Variants in DOCK4 observed in about 807,000 individuals in gnomAD.
DOCK4 encodes the protein dedicator of cytokinesis protein 4.
Under a neutral mutation model 268.1 loss-of-function variants are expected in DOCK4, and 97 were observed. The observed-to-expected ratio is 0.36, with a 90% CI of 0.31 to 0.43. DOCK4 has a LOEUF of 0.43. Ranked by LOEUF, DOCK4 falls within the 20% of genes least tolerant of loss-of-function variation. DOCK4 has a pLI of 1.00. For synonymous variants in DOCK4, 954 were observed against 887.2 expected (o/e 1.08, Z -1.34); for missense variants, 2,145 against 2,455.7 (o/e 0.87, Z 2.67).
chr7:112,177,888 G>T (rs1818667639), intron 1 of DOCK4, among the ~76,000 whole-genome samples: 1 of 152,156 alleles, frequency 6.6e-6, no homozygotes, highest in Non-Finnish European at 1.5e-5. Context: ...ATGCTCTATG[G>T]ACACCATGGG....
intron 5 of DOCK4, among the ~76,000 whole-genome samples, chr7:111,990,121 G>C (rs1799404731): frequency 6.6e-6 from 1 of 152,082 alleles, no homozygotes; most frequent in South Asian, 2.1e-4. Flanking sequence ...GTTGTTGTGA[G>C]GATTAATGAG....
At chr7:111,792,544 A>G (rs763206364) in intron 30 of DOCK4, among the ~76,000 whole-genome samples, 3 of 152,008 alleles carry the variant, frequency 2.0e-5, no homozygotes, top group Non-Finnish European at 4.4e-5. Flanking sequence ...CACCACGCCC[A>G]GCTAATTTTT....
intron 16 of DOCK4, among the ~76,000 whole-genome samples, chr7:111,891,984 T>C (rs150466457): frequency 1.3e-5 from 2 of 152,330 alleles, no homozygotes; most frequent in East Asian, 3.9e-4. Flanking sequence ...AAAGCAACTC[T>C]TTACAAGCTG....
chr7:111,945,607 A>G, intron 9 of DOCK4, 110 bp downstream of exon 9: 2 of 909,690 alleles, frequency 2.2e-6, no homozygotes, highest in Non-Finnish European at 1.7e-6. Context: ...TTATTTACAT[A>G]AAGTTTAAAA....
chr7:111,789,589 T>C (rs769764890), intron 31 of DOCK4, among the ~76,000 whole-genome samples: 9 of 152,226 alleles, frequency 5.9e-5, no homozygotes, highest in Admixed American at 3.3e-4. Flanking sequence ...CTTTCCTAAG[T>C]ACAATTTTTA....
chr7:111,730,816 AG>A (rs1795034210), intron 52 of DOCK4, among the ~76,000 whole-genome samples: 1 of 152,224 alleles, frequency 6.6e-6, no homozygotes, highest in African/African-American at 2.4e-5. Context: ...GCATATGGCC[AG>A]TAAAAATGTA....
intron 44 of DOCK4, among the ~76,000 whole-genome samples, chr7:111,745,720 A>G (rs1796219566): frequency 1.3e-5 from 2 of 149,070 alleles, no homozygotes; most frequent in African/African-American, 2.5e-5. Flanking sequence ...AGTTGGCATC[A>G]AGCCTACAGC....
intron 52 of DOCK4, among the ~76,000 whole-genome samples, chr7:111,730,453 T>G (rs1795004799): frequency 6.6e-6 from 1 of 152,180 alleles, no homozygotes; most frequent in South Asian, 2.1e-4. Context: ...TTTCTCTTTG[T>G]AAACAAAATA....
At chr7:111,926,145 A>G (rs968023402) in intron 12 of DOCK4, among the ~76,000 whole-genome samples, 1 of 145,102 alleles carries the variant, frequency 6.9e-6, no homozygotes, top group Non-Finnish European at 1.5e-5. Flanking sequence ...AGAAAGAAAG[A>G]AAAAGAGAAA....
chr7:111,866,694 G>A (rs1806003166), intron 22 of DOCK4, among the ~76,000 whole-genome samples: 1 of 152,092 alleles, frequency 6.6e-6, no homozygotes, highest in Admixed American at 6.6e-5. Context: ...AAAGTCTCCT[G>A]AATCCCTAAG....
At chr7:111,767,768 C>T (rs1797855542) in intron 37 of DOCK4, among the ~76,000 whole-genome samples, 2 of 152,160 alleles carry the variant, frequency 1.3e-5, no homozygotes, top group Non-Finnish European at 2.9e-5. Context: ...AGAATTACCA[C>T]TGACCCCTAA....
At chr7:112,189,746 G>GTTTTTT (rs57399750) in intron 1 of DOCK4, among the ~76,000 whole-genome samples, 1,087 of 95,248 alleles carry the variant, frequency 0.011, 6 homozygotes, top group East Asian at 0.017. Flanking sequence ...TCTGGGTTTT[G>GTTTTTT]TTTTTTTTTT....
chr7:111,946,738 C>T (rs764115156), intron 8 of DOCK4, among the ~76,000 whole-genome samples: 3 of 152,128 alleles, frequency 2.0e-5, no homozygotes, highest in Non-Finnish European at 4.4e-5. Context: ...CACACCACCA[C>T]GCCTGGCTAA....
intron 1 of DOCK4, among the ~76,000 whole-genome samples, chr7:112,116,857 G>A (rs777431513): frequency 2.6e-5 from 4 of 152,144 alleles, no homozygotes; most frequent in Non-Finnish European, 5.9e-5. Context: ...TCTCCAAAGT[G>A]CTGGGATTAC....
chr7:111,933,433 T>TA (rs1794435980), intron 12 of DOCK4, among the ~76,000 whole-genome samples: 1 of 151,276 alleles, frequency 6.6e-6, no homozygotes, highest in Non-Finnish European at 1.5e-5. Context: ...TAGCTGGGAT[T>TA]ACAGGCACGC....
intron 1 of DOCK4, among the ~76,000 whole-genome samples, chr7:112,132,766 G>A (rs968308703): frequency 6.6e-6 from 1 of 152,086 alleles, no homozygotes; most frequent in Non-Finnish European, 1.5e-5. Flanking sequence ...ATTAAAGGAT[G>A]GGCAGAATAC....
Position 111,944,193 on chromosome 7 carries a change from A to G in DOCK4, c.844+618T>C, listed in dbSNP as rs554180194. Among the ~76,000 whole-genome samples the G allele has an allele frequency of 2.0e-5, 3 of 152,350 alleles. No homozygotes were observed. In the East Asian group the frequency reaches 5.8e-4, roughly 29 times the overall value. Reference sequence around the variant, plus strand: ...TTAAAGTGGGTTCTGCAAGATGTTAATAAGTGCTACATTATATAAGTGTTT... The same window carrying G: ...TTAAAGTGGGTTCTGCAAGATGTTAGTAAGTGCTACATTATATAAGTGTTT... On this transcript the variant is annotated intron_variant, in intron 10 of 52. Coordinates refer to ENST00000428084, the MANE Select transcript of DOCK4 (RefSeq NM_001363540.2).
chr7:112,154,698 T>C (rs1816448625), intron 1 of DOCK4, among the ~76,000 whole-genome samples: 1 of 152,148 alleles, frequency 6.6e-6, no homozygotes, highest in Admixed American at 6.5e-5. Context: ...AACACTGGCG[T>C]GGGGTTGACA....
chr7:111,786,276 G>A (rs1191981057), intron 32 of DOCK4, among the ~76,000 whole-genome samples: 1 of 152,216 alleles, frequency 6.6e-6, no homozygotes, highest in Non-Finnish European at 1.5e-5. Flanking sequence ...CCCCAAGACT[G>A]TAGGTAGACC....
Sources: allele counts gnomAD v4.1 joint callset (sites outside exome capture counted in the v4.1 genomes callset), GRCh38; gene constraint gnomAD v4.1.1; transcripts MANE v1.5; gene names NCBI Gene and HGNC (gene_info 2026-07-23, HGNC 2026-07-21).